VAV3: variants seen among roughly 807,000 people sequenced by gnomAD.
VAV3 encodes guanine nucleotide exchange factor VAV3.
A neutral mutation model predicts 131.2 loss-of-function variants in VAV3; 94 were observed. The ratio of observed to expected loss-of-function variants is 0.72; its 90% CI spans 0.61 to 0.85. VAV3 has a LOEUF of 0.85. Ranked by LOEUF, VAV3 falls within the 40% of genes least tolerant of loss-of-function variation. The pLI, the probability that VAV3 is intolerant of heterozygous loss-of-function variation, is 0.00. For missense variants in VAV3, 939 were observed against 1,002.7 expected, an observed-to-expected ratio of 0.94 and a Z score of 0.86; for synonymous variants, 349 against 342.0, an observed-to-expected ratio of 1.02 and a Z score of -0.22.
At chr1:107,636,887 G>T (rs1257280759) in intron 20 of VAV3, among the ~76,000 whole-genome samples, 1 of 152,090 alleles carries the variant, frequency 6.6e-6, no homozygotes, top group Non-Finnish European at 1.5e-5. Context: ...ACTAGCAAAA[G>T]AAAGGAAAGT....
At chr1:107,854,314 A>T (rs1669367258) in intron 2 of VAV3, among the ~76,000 whole-genome samples, 1 of 152,176 alleles carries the variant, frequency 6.6e-6, no homozygotes, top group African/African-American at 2.4e-5. Context: ...TGCCTAAAAA[A>T]ATAAAATAAA....
At chr1:107,683,011 CTT>C (rs1390779854) in intron 19 of VAV3, among the ~76,000 whole-genome samples, 1 of 152,168 alleles carries the variant, frequency 6.6e-6, no homozygotes, top group Non-Finnish European at 1.5e-5. Context: ...GGAGAGGAAA[CTT>C]GTCACAAAGT....
intron 26 of VAV3, among the ~76,000 whole-genome samples, chr1:107,573,589 C>T (rs969324556): frequency 1.3e-5 from 2 of 152,182 alleles, no homozygotes; most frequent in African/African-American, 4.8e-5. Context: ...TCCACTAGCA[C>T]ACAAATAAAT....
At chr1:107,716,226 CT>C (rs1449460592) in intron 15 of VAV3, among the ~76,000 whole-genome samples, 1 of 152,150 alleles carries the variant, frequency 6.6e-6, no homozygotes, top group African/African-American at 2.4e-5. Context: ...CCAAAAATCA[CT>C]CTTCAGAAAA....
At chr1:107,616,999 T>G (rs1653204015) in intron 21 of VAV3, among the ~76,000 whole-genome samples, 1 of 152,212 alleles carries the variant, frequency 6.6e-6, no homozygotes, top group Non-Finnish European at 1.5e-5. Context: ...GAGTACATTT[T>G]AGGTTACATT....
chr1:107,941,340 T>C (rs1314336704), intron 1 of VAV3, among the ~76,000 whole-genome samples: 1 of 152,200 alleles, frequency 6.6e-6, no homozygotes, highest in African/African-American at 2.4e-5. Flanking sequence ...CAGAAATTTT[T>C]AGTCTTGGGC....
intron 2 of VAV3, among the ~76,000 whole-genome samples, chr1:107,852,058 T>C (rs779401540): frequency 1.3e-5 from 2 of 152,164 alleles, no homozygotes; most frequent in Non-Finnish European, 2.9e-5. Flanking sequence ...AATTAAGTTA[T>C]CATACCTCCA....
Position 107,869,697 on chromosome 1 carries a change from T to A in VAV3, c.321+5204A>T, listed in dbSNP as rs542217287. ...TCTGTGGGAACAGGTGGTATTTGGT[T>A]ACATGAGTAAGTTATTTAGTGGTGA... On this transcript the variant is annotated intron_variant, in intron 2 of 26. Coordinates refer to ENST00000370056, the MANE Select transcript of VAV3 (RefSeq NM_006113.5). Among the ~76,000 whole-genome samples the A allele has an allele frequency of 6.5e-4, 99 of 152,326 alleles. 1 individual carries two copies. The highest frequency in any genetic ancestry group is 2.1e-3 in the African/African-American group (87 of 41,580).
intron 1 of VAV3, among the ~76,000 whole-genome samples, chr1:107,891,344 A>G (rs911367918): frequency 1.3e-5 from 2 of 151,772 alleles, no homozygotes; most frequent in African/African-American, 2.4e-5. Flanking sequence ...AAAATCTACC[A>G]AATTCTATAC....
chr1:107,740,503 T>C (rs565278919), intron 15 of VAV3, among the ~76,000 whole-genome samples: 13 of 152,222 alleles, frequency 8.5e-5, no homozygotes, highest in East Asian at 1.9e-4. Context: ...ATGACAAATA[T>C]AGATAATTCA....
chr1:107,758,788 C>A (rs940969408), intron 10 of VAV3, among the ~76,000 whole-genome samples: 4 of 152,104 alleles, frequency 2.6e-5, no homozygotes, highest in African/African-American at 9.7e-5. Context: ...ATTCTGCAAA[C>A]TTCTCTCAAT....
chr1:107,710,445 C>T (rs964766879), intron 15 of VAV3, among the ~76,000 whole-genome samples: 1 of 152,148 alleles, frequency 6.6e-6, no homozygotes, highest in African/African-American at 2.4e-5. Context: ...ACACACATAG[C>T]TTTGTGTGTG....
At chr1:107,876,181 T>C (rs1041549591) in intron 1 of VAV3, among the ~76,000 whole-genome samples, 1 of 152,250 alleles carries the variant, frequency 6.6e-6, no homozygotes, top group East Asian at 1.9e-4. Context: ...TGAAAAACTA[T>C]ATCAGATGCT....
chr1:107,749,584 A>T lies in VAV3; in HGVS notation c.1270T>A (p.Leu424Ile), dbSNP rs985384000. 1.2e-6 allele frequency: 2 copies of T among 1,610,072 alleles called. No homozygotes were observed. The highest frequency in any genetic ancestry group is 2.2e-5 in the South Asian group (2 of 90,116). Residue 424 changes from leucine (L) to isoleucine (I), a missense_variant, in exon 14 of 27, where the codon TTA becomes ATA. By Grantham distance (5) the Leu-to-Ile change is conservative. Transcript: ENST00000370056. The part of the protein sequence containing the change: ...KHTKQERHIF[L>I]FDLAVIVCKR... Reference sequence around the variant, plus strand: ...CATACGATCACTGCCAAATCAAATAAGAAGATATGCCTGGGAAAAAGAGAT... The same window carrying T: ...CATACGATCACTGCCAAATCAAATATGAAGATATGCCTGGGAAAAAGAGAT...
chr1:107,647,375 T>C (rs997672729), intron 19 of VAV3, among the ~76,000 whole-genome samples: 9 of 151,772 alleles, frequency 5.9e-5, no homozygotes, highest in African/African-American at 2.2e-4. Context: ...ATCACAAGCA[T>C]AACATATTAA....
At chr1:107,673,633 C>G (rs1657978761) in intron 19 of VAV3, 1 of 152,206 alleles carries the variant, frequency 6.6e-6, no homozygotes, top group Non-Finnish European at 1.5e-5. Flanking sequence ...GAAAACACAT[C>G]TTGTTCATTC....
chr1:107,704,715 G>A lies in VAV3; in HGVS notation c.1605-65C>T, dbSNP rs561697513. On this transcript the variant is annotated intron_variant, in intron 16 of 26. Transcript: ENST00000370056. Reference sequence around the variant, plus strand: ...AAAATTCTGCCCATATGAAATTACTGCAAGAAGAAGAAAAAAAGTATCAAC... The same window carrying A: ...AAAATTCTGCCCATATGAAATTACTACAAGAAGAAGAAAAAAAGTATCAAC... 14 of 1,330,230 alleles carry A rather than the reference G, an allele frequency of 1.1e-5. No homozygotes were observed. In the African/African-American group the frequency reaches 1.9e-4, roughly 18 times the overall value. The allele number at this position is 1,330,230 out of a possible 1,614,324, so 82.4% of individuals were successfully genotyped here. A position where few individuals can be genotyped will look rare whatever the true frequency, so the allele number is the denominator to read the frequency against.
chr1:107,774,504 G>A (rs1665227382), intron 4 of VAV3, among the ~76,000 whole-genome samples: 1 of 152,206 alleles, frequency 6.6e-6, no homozygotes. Flanking sequence ...CTTTACTAAA[G>A]CTGCTTTTCT....
At chr1:107,574,994 CGTGCGT>C (rs1558059574) in intron 25 of VAV3, among the ~76,000 whole-genome samples, 10 of 135,886 alleles carry the variant, frequency 7.4e-5, no homozygotes, top group African/African-American at 2.4e-4. Context: ...TGTGTGTGTG[CGTGCGT>C]GCGCGCGCGC....
Sources: gnomAD v4.1 joint callset for allele counts (sites outside exome capture counted in the v4.1 genomes callset) on GRCh38, gnomAD v4.1.1 for gene constraint, MANE v1.5 for transcripts, NCBI Gene and HGNC (gene_info 2026-07-23, HGNC 2026-07-21) for gene names.